MIA2: variants seen among roughly 807,000 people sequenced by gnomAD.
MIA2 encodes the protein MIA SH3 domain ER export factor 2, also known as melanoma inhibitory activity protein 2.
In MIA2, 127 loss-of-function variants were observed where a neutral mutation model predicts 167.8. That is an observed-to-expected ratio of 0.76 (90% CI 0.66 to 0.88). MIA2 has a LOEUF of 0.88. MIA2 is among the 40% of genes least tolerant of loss of function. The pLI is 0.00. For synonymous variants in MIA2, 552 were observed against 541.9 expected (o/e 1.02, Z -0.26); for missense variants, 1,690 against 1,624.7 (o/e 1.04, Z -0.69).
chr14:39,266,278 A>T, intron 6 of MIA2: 3 of 982,848 alleles, frequency 3.1e-6, no homozygotes, highest in Non-Finnish European at 3.6e-6. Flanking sequence ...GAGATGGGTT[A>T]TCCTTTACAC....
At chr14:39,309,065 T>C (rs2063793004) in intron 18 of MIA2, among the ~76,000 whole-genome samples, 1 of 152,248 alleles carries the variant, frequency 6.6e-6, no homozygotes, top group South Asian at 2.1e-4. Context: ...ATATCTCCTA[T>C]TTATTCTGTC....
chr14:39,273,928 G>T (rs553703382), intron 6 of MIA2, among the ~76,000 whole-genome samples: 32 of 152,306 alleles, frequency 2.1e-4, no homozygotes, highest in African/African-American at 7.2e-4. Context: ...TCTTGGAGAG[G>T]TGTACCTTCA....
chr14:39,313,312 G>A (rs202068778), intron 18 of MIA2, 28 bp from the exon 19 acceptor site: 5 of 1,214,570 alleles, frequency 4.1e-6, no homozygotes, highest in Non-Finnish European at 6.0e-6. Flanking sequence ...CATGTATTAA[G>A]AGAATTATAA....
intron 4 of MIA2, among the ~76,000 whole-genome samples, chr14:39,250,365 G>A (rs1201076026): frequency 6.6e-6 from 1 of 151,976 alleles, no homozygotes; most frequent in Non-Finnish European, 1.5e-5. Context: ...CTAGGAGTTC[G>A]AGGCCGGCCT....
chr14:39,372,566 C>T (rs1170677986), intron 23 of MIA2, among the ~76,000 whole-genome samples: 5 of 151,958 alleles, frequency 3.3e-5, no homozygotes, highest in East Asian at 1.9e-4. Context: ...GCATGAACTT[C>T]GTAAATTTTA....
chr14:39,252,776 G>A lies in MIA2; in HGVS notation c.1596G>A (p.Thr532=), dbSNP rs779235918. ...TGGTCTCTAACATAGAGTTACCTAC[G>A]AGAATTCACGAAGAAGTATATTTTG... ...SDMVSNIELP[T]RIHEEVYFEP... The change falls in exon 5 of 29, where the codon ACG becomes ACA. Residue 532 remains threonine (T), a synonymous_variant. Coordinates refer to ENST00000640607, the MANE Select transcript of MIA2 (RefSeq NM_001329214.4). 8 of 1,612,736 alleles carry A rather than the reference G, an allele frequency of 5.0e-6. No homozygotes were observed. Among genetic ancestry groups the A allele is most frequent in the South Asian group, 2.2e-5 (2 of 90,970 alleles).
intron 9 of MIA2, among the ~76,000 whole-genome samples, chr14:39,289,357 A>G (rs1322541987): frequency 6.6e-6 from 1 of 151,768 alleles, no homozygotes; most frequent in Non-Finnish European, 1.5e-5. Context: ...TGGGATTACG[A>G]GTACACGTCA....
chr14:39,265,040 A>G (rs556235984), intron 6 of MIA2, among the ~76,000 whole-genome samples: 1 of 152,310 alleles, frequency 6.6e-6, no homozygotes, highest in East Asian at 1.9e-4. Flanking sequence ...TATAGAATAA[A>G]ACATTTTAGT....
chr14:39,242,142 C>T (rs929886317), intron 3 of MIA2, among the ~76,000 whole-genome samples: 2 of 152,150 alleles, frequency 1.3e-5, no homozygotes, highest in African/African-American at 4.8e-5. Context: ...CAAAAGCATA[C>T]ATTCATTATA....
intron 19 of MIA2, among the ~76,000 whole-genome samples, chr14:39,313,858 A>G (rs1261323536): frequency 6.6e-6 from 1 of 152,186 alleles, no homozygotes; most frequent in Non-Finnish European, 1.5e-5. Flanking sequence ...GGAAGTATTT[A>G]AAAGACTATA....
chr14:39,248,092 C>A lies in MIA2; in HGVS notation c.1518C>A (p.Pro506=), dbSNP rs748375570. Residue 506 remains proline, a synonymous_variant, in exon 4 of 29, where the codon CCC becomes CCA. Coordinates refer to ENST00000640607, the MANE Select transcript of MIA2 (RefSeq NM_001329214.4). ...ETGEFSIDNY[P]TDNTKVMIFK... is the part of the protein sequence containing the mutation. ...GAGAATTTTCCATTGATAATTATCC[C>A]ACAGATAATACAAAAGTTATGATAT... 1 of 1,547,628 alleles carries A rather than the reference C, an allele frequency of 6.5e-7. No individual in the cohort carries two copies. Among genetic ancestry groups the A allele is most frequent in the South Asian group, 1.3e-5 (1 of 78,736 alleles).
At chr14:39,239,731 T>G (rs1416524906) in intron 2 of MIA2, among the ~76,000 whole-genome samples, 1 of 152,206 alleles carries the variant, frequency 6.6e-6, no homozygotes, top group East Asian at 1.9e-4. Flanking sequence ...GTTTAATGTG[T>G]GCAGCCAGGG....
chr14:39,294,127 T>G, intron 12 of MIA2, 56 bp downstream of exon 12: 1 of 1,263,338 alleles, frequency 7.9e-7, no homozygotes, highest in Non-Finnish European at 1.1e-6. Context: ...TTAGTTTAAT[T>G]TTTTAAAATT....
chr14:39,288,427 TTATACATATATA>T lies in MIA2; in HGVS notation c.2131-2587_2131-2576del, dbSNP rs2060107670. ...ATTAATTGATTTGAGCGTGTATATA[TTATACATATATA>T]TATATATATATATATATATATATAT... On this transcript the variant is annotated intron_variant, in intron 9 of 28. Coordinates refer to ENST00000640607, the MANE Select transcript of MIA2 (RefSeq NM_001329214.4). Among the ~76,000 whole-genome samples, 7 of 118,008 alleles carry T rather than the reference TTATACATATATA, an allele frequency of 5.9e-5. No homozygotes were observed. The South Asian group carries it at 2.1e-3, about 36-fold the overall frequency. The allele number at this position is 118,008 out of a possible 152,430, so 77.4% of individuals were successfully genotyped here. A position where few individuals can be genotyped will look rare whatever the true frequency, so the allele number is the denominator to read the frequency against.
At chr14:39,337,678 C>G (rs1340624913) in intron 25 of MIA2, among the ~76,000 whole-genome samples, 2 of 151,950 alleles carry the variant, frequency 1.3e-5, no homozygotes, top group Non-Finnish European at 2.9e-5. Context: ...TGAAGAAAAC[C>G]AGTCTCAAAA....
At chr14:39,284,301 T>C (rs1270298339) in intron 9 of MIA2, among the ~76,000 whole-genome samples, 1 of 152,228 alleles carries the variant, frequency 6.6e-6, no homozygotes, top group Non-Finnish European at 1.5e-5. Flanking sequence ...TACCATTTAT[T>C]GATGAGACTA....
intron 6 of MIA2, among the ~76,000 whole-genome samples, chr14:39,260,421 T>C (rs1282226513): frequency 6.6e-6 from 1 of 152,206 alleles, no homozygotes; most frequent in Admixed American, 6.5e-5. Flanking sequence ...AGATGGTATC[T>C]CATTGTGGTT....
chr14:39,263,468 A>G (rs1172891413), intron 6 of MIA2, among the ~76,000 whole-genome samples: 6 of 151,804 alleles, frequency 4.0e-5, no homozygotes, highest in African/African-American at 1.2e-4. Context: ...TCCTGAGCTC[A>G]AGGGAATCCT....
At position 39,242,125 on chromosome 14, in the gene MIA2, A is replaced by C. The variant is rs367850816; in HGVS notation, c.336+1478A>C. On this transcript the variant is annotated intron_variant, in intron 3 of 28. Transcript: ENST00000640607. ...TGGTGATGGTAACACAAGTGTATAC[A>C]TTTGTTCAAAAGCATACATTCATTA... is the stretch of plus-strand genomic sequence containing the variant. Among the ~76,000 whole-genome samples, 14 of 152,342 alleles carry C rather than the reference A, an allele frequency of 9.2e-5. 1 individual carries two copies. The East Asian group carries it at 2.1e-3, about 23-fold the overall frequency.
Sources: gnomAD v4.1 joint callset for allele counts (sites outside exome capture counted in the v4.1 genomes callset) on GRCh38, gnomAD v4.1.1 for gene constraint, MANE v1.5 for transcripts, NCBI Gene and HGNC (gene_info 2026-07-23, HGNC 2026-07-21) for gene names.